Variants in PDE4D observed in about 807,000 individuals in gnomAD.
The protein encoded by PDE4D is 3',5'-cyclic-AMP phosphodiesterase 4D.
A neutral mutation model predicts 87.4 loss-of-function variants in PDE4D; 24 were observed. That is an observed-to-expected ratio of 0.27 (90% CI 0.20 to 0.39). The LOEUF is 0.39. Ranked by LOEUF, PDE4D falls within the 10% of genes least tolerant of loss-of-function variation. The pLI, the probability that PDE4D is intolerant of heterozygous loss-of-function variation, is 1.00. For missense variants in PDE4D, 714 were observed against 1,041.0 expected (o/e 0.69, Z 4.32); for synonymous variants, 384 against 383.2 (o/e 1.00, Z -0.02).
At chr5:59,103,565 T>G (rs1771111600) in intron 5 of PDE4D, among the ~76,000 whole-genome samples, 1 of 152,056 alleles carries the variant, frequency 6.6e-6, no homozygotes. Flanking sequence ...AGGCAGAAGC[T>G]GTCTCCTTTA....
chr5:60,039,235 C>T (rs910141890), intron 2 of PDE4D, among the ~76,000 whole-genome samples: 2 of 152,244 alleles, frequency 1.3e-5, no homozygotes, highest in Admixed American at 6.5e-5. Context: ...GGCACATATA[C>T]ACCATGCAAT....
rs557076158 is a variant in PDE4D at position 60,102,665 on chromosome 5, G to A, written c.42+82892C>T. On this transcript the variant is annotated intron_variant, in intron 2 of 16. Coordinates refer to the PDE4D transcript ENST00000502484. ...AGACAGAGACTTATCAAAAAGAAAG[G>A]ATAGAGATTACCCAGAAAGTTGAAA... Among the ~76,000 whole-genome samples, 5 of 152,214 alleles carry A rather than the reference G, an allele frequency of 3.3e-5. No individual in the cohort carries two copies. The East Asian group carries it at 9.7e-4, about 29-fold the overall frequency.
chr5:59,065,097 CACACACACACACACACACACACACACAT>C (rs1763719474), intron 5 of PDE4D, among the ~76,000 whole-genome samples: 1 of 149,438 alleles, frequency 6.7e-6, no homozygotes, highest in African/African-American at 2.5e-5. Context: ...CACACACACA[CACACACACACACACACACACACACACAT>C]ATACAATGAA....
At chr5:60,067,640 G>A (rs890430575) in intron 2 of PDE4D, among the ~76,000 whole-genome samples, 2 of 152,048 alleles carry the variant, frequency 1.3e-5, no homozygotes, top group Non-Finnish European at 2.9e-5. Context: ...GTACAATGTT[G>A]TATAACAGAT....
chr5:59,304,516 T>TA (rs1436129263), intron 1 of PDE4D, among the ~76,000 whole-genome samples: 2 of 152,102 alleles, frequency 1.3e-5, no homozygotes, highest in African/African-American at 4.8e-5. Context: ...CATTCAGTAT[T>TA]ACGTTGGCTG....
At chr5:59,933,722 A>G (rs1248617708) in intron 3 of PDE4D, among the ~76,000 whole-genome samples, 5 of 151,810 alleles carry the variant, frequency 3.3e-5, no homozygotes, top group African/African-American at 4.8e-5. Flanking sequence ...AAATGTTTGA[A>G]GCTATATGAT....
chr5:59,874,389 C>T (rs1748253851), intron 1 of PDE4D, among the ~76,000 whole-genome samples: 1 of 152,080 alleles, frequency 6.6e-6, no homozygotes, highest in South Asian at 2.1e-4. Flanking sequence ...AATATGAATA[C>T]TGGAGAATTC....
At chr5:59,689,255 G>C (rs1181227961) in intron 1 of PDE4D, among the ~76,000 whole-genome samples, 2 of 152,168 alleles carry the variant, frequency 1.3e-5, no homozygotes, top group African/African-American at 4.8e-5. Context: ...AAGCCTGGCA[G>C]AGACACAACA....
intron 1 of PDE4D, among the ~76,000 whole-genome samples, chr5:59,689,281 A>G (rs1750480120): frequency 6.6e-6 from 1 of 152,216 alleles, no homozygotes; most frequent in Admixed American, 6.5e-5. Context: ...AGAGAATTTT[A>G]GACCAATATC....
chr5:60,142,726 T>C (rs1246118453), intron 2 of PDE4D, among the ~76,000 whole-genome samples: 1 of 152,220 alleles, frequency 6.6e-6, no homozygotes, highest in Non-Finnish European at 1.5e-5. Context: ...AGCTAATGTT[T>C]TGTAAAATTA....
At chr5:59,764,845 C>T (rs1296781561) in intron 1 of PDE4D, among the ~76,000 whole-genome samples, 4 of 151,758 alleles carry the variant, frequency 2.6e-5, no homozygotes, top group African/African-American at 4.8e-5. Context: ...TTAGTAGAGA[C>T]GGTGTTTCGC....
intron 2 of PDE4D, among the ~76,000 whole-genome samples, chr5:60,036,784 T>C (rs1767857512): frequency 6.6e-6 from 1 of 152,182 alleles, no homozygotes; most frequent in Admixed American, 6.5e-5. Context: ...TCTGTGGGAA[T>C]GAATTAAATT....
chr5:59,230,078 T>A (rs1310591335), intron 1 of PDE4D, among the ~76,000 whole-genome samples: 1 of 152,208 alleles, frequency 6.6e-6, no homozygotes, highest in East Asian at 1.9e-4. Context: ...TGAGCCACCG[T>A]ACCCAGCTGC....
chr5:59,375,150 C>T (rs547334505), intron 1 of PDE4D, among the ~76,000 whole-genome samples: 18 of 152,252 alleles, frequency 1.2e-4, no homozygotes, highest in Non-Finnish European at 2.5e-4. Context: ...CAAATAAATT[C>T]CAAAGCCAGC....
intron 1 of PDE4D, among the ~76,000 whole-genome samples, chr5:59,259,969 T>G (rs888105205): frequency 2.6e-5 from 4 of 151,832 alleles, no homozygotes; most frequent in Non-Finnish European, 4.4e-5. Context: ...TTCCATGAAT[T>G]TAACATTTTT....
At chr5:59,060,317 G>C (rs1488123889) in intron 5 of PDE4D, among the ~76,000 whole-genome samples, 1 of 152,136 alleles carries the variant, frequency 6.6e-6, no homozygotes, top group Non-Finnish European at 1.5e-5. Flanking sequence ...GATTTTACAT[G>C]AAGGAGAAAT....
chr5:59,708,080 G>A (rs903543319), intron 1 of PDE4D, among the ~76,000 whole-genome samples: 1 of 152,162 alleles, frequency 6.6e-6, no homozygotes, highest in African/African-American at 2.4e-5. Context: ...CACCAGCAGT[G>A]TAAAAGCGTT....
intron 1 of PDE4D, among the ~76,000 whole-genome samples, chr5:59,841,984 G>T (rs934126841): frequency 1.3e-5 from 2 of 152,014 alleles, no homozygotes; most frequent in African/African-American, 2.4e-5. Context: ...TAAGAAAAGG[G>T]TTTCCTTTGC....
intron 1 of PDE4D, among the ~76,000 whole-genome samples, chr5:59,574,368 A>G (rs1822766610): frequency 6.6e-6 from 1 of 151,182 alleles, no homozygotes; most frequent in African/African-American, 2.4e-5. Flanking sequence ...GTTGTCTTAA[A>G]TGCTGCCTGG....
Sources: allele counts gnomAD v4.1 joint callset (sites outside exome capture counted in the v4.1 genomes callset), GRCh38; gene constraint gnomAD v4.1.1; transcripts MANE v1.5; gene names NCBI Gene and HGNC (gene_info 2026-07-23, HGNC 2026-07-21).